Variants in TBC1D19 observed in about 807,000 individuals in gnomAD.
TBC1D19 encodes TBC1 domain family, member 19.
In TBC1D19, 60 loss-of-function variants were observed where a neutral mutation model predicts 89.0. The observed-to-expected ratio is 0.67, with a 90% CI of 0.55 to 0.84. TBC1D19 has a LOEUF of 0.84. Among genes scored for constraint, TBC1D19 ranks in the 40% least tolerant of loss-of-function variants. TBC1D19 has a pLI of 0.00. For synonymous variants in TBC1D19, 189 were observed against 199.7 expected (o/e 0.95, Z 0.45); for missense variants, 500 against 610.8 (o/e 0.82, Z 1.91).
chr4:26,694,280 C>G (rs906104742), intron 13 of TBC1D19, among the ~76,000 whole-genome samples: 6 of 152,188 alleles, frequency 3.9e-5, no homozygotes, highest in African/African-American at 7.2e-5. Context: ...GTCCTACGCC[C>G]ACAGAGCCTC....
At chr4:26,583,086 G>C (rs886474428), upstream of TBC1D19, among the ~76,000 whole-genome samples, 6 of 151,954 alleles carry the variant, frequency 3.9e-5, no homozygotes, top group Non-Finnish European at 8.8e-5. Context: ...CAGCAATCTT[G>C]GTTTGTTTTC....
At chr4:26,577,535 C>A (rs1738999547) in intron 1 of TBC1D19, among the ~76,000 whole-genome samples, 1 of 152,188 alleles carries the variant, frequency 6.6e-6, no homozygotes, top group African/African-American at 2.4e-5. Context: ...GTACTTGTTA[C>A]CTTCCAGGCA....
intron 7 of TBC1D19, among the ~76,000 whole-genome samples, chr4:26,648,695 T>C (rs1327580130): frequency 6.6e-6 from 1 of 152,190 alleles, no homozygotes; most frequent in African/African-American, 2.4e-5. Flanking sequence ...ACAGTTTACT[T>C]TGAATGTTGA....
intron 13 of TBC1D19, among the ~76,000 whole-genome samples, chr4:26,693,625 G>A (rs531653015): frequency 6.6e-6 from 1 of 151,924 alleles, no homozygotes. Context: ...TGCCCAGGAG[G>A]TCAAGGCTGC....
Position 26,673,795 on chromosome 4 carries a change from T to C in TBC1D19, c.723T>C (p.Ser241=). ...IGQKVLAEQD[S]AAAQQYIRQG... The stretch of plus-strand genomic sequence containing the variant: ...TGATAGTTCTAGCAGAACAAGATAG[T>C]GCTGCTGCTCAACAGTACATCAGAC... The change falls in exon 11 of 21, where the codon AGT becomes AGC. Residue 241 remains serine, a synonymous_variant. Coordinates refer to ENST00000264866, the MANE Select transcript of TBC1D19 (RefSeq NM_018317.4). 6.2e-7 allele frequency: 1 copy of C among 1,611,158 alleles called. No homozygotes were observed. The highest frequency in any genetic ancestry group is 8.5e-7 in the Non-Finnish European group (1 of 1,177,796).
rs200708343 is a variant in TBC1D19, at chr4:26,697,630, G to A, written c.954+9223G>A. On this transcript the variant is annotated intron_variant, in intron 13 of 20. Coordinates refer to ENST00000264866, the MANE Select transcript of TBC1D19 (RefSeq NM_018317.4). ...AATCCTCAATAAAATACTGCAAACC[G>A]AATCCAGCAGCACATCAAAAAGTTT... Among the ~76,000 whole-genome samples, 68 of 152,142 alleles carry A rather than the reference G, an allele frequency of 4.5e-4. No homozygotes were observed. In the East Asian group the frequency reaches 0.011, roughly 24 times the overall value.
At chr4:26,850,540 CAAAAAAA>C in the TBC1D19 span, among the ~76,000 whole-genome samples, 47,411 of 90,380 alleles carry the variant, frequency 0.52, 10,080 homozygotes, top group Middle Eastern at 0.72. Flanking sequence ...GACCCTGTCT[CAAAAAAA>C]AAAAAAAAAA....
chr4:26,691,772 CA>C (rs1233933968), intron 13 of TBC1D19, among the ~76,000 whole-genome samples: 1 of 152,082 alleles, frequency 6.6e-6, no homozygotes. Flanking sequence ...ACTGAACCTG[CA>C]ATATCTCCAA....
chr4:26,740,999 G>C (rs533146402), intron 17 of TBC1D19: 2 of 939,032 alleles, frequency 2.1e-6, no homozygotes, highest in African/African-American at 3.5e-5. Flanking sequence ...ACTTGATTTT[G>C]TTCTTATCTT....
intron 18 of TBC1D19, among the ~76,000 whole-genome samples, chr4:26,743,587 G>A (rs748259220): frequency 1.9e-4 from 29 of 152,016 alleles, no homozygotes; most frequent in Non-Finnish European, 3.2e-4. Context: ...GATGGAGATA[G>A]AGATAGGTAG....
chr4:26,762,025 A>G, the TBC1D19 span, among the ~76,000 whole-genome samples: 5 of 152,184 alleles, frequency 3.3e-5, no homozygotes, highest in South Asian at 2.1e-4. Flanking sequence ...AATCCCAGCT[A>G]CTTGGGAGGC....
At chr4:26,633,758 C>T (rs1365638662) in intron 4 of TBC1D19, among the ~76,000 whole-genome samples, 1 of 152,098 alleles carries the variant, frequency 6.6e-6, no homozygotes, top group African/African-American at 2.4e-5. Context: ...ATTAAAAACC[C>T]GTTCAGCCAG....
At chr4:26,604,091 T>C (rs1333841034) in intron 1 of TBC1D19, among the ~76,000 whole-genome samples, 1 of 152,096 alleles carries the variant, frequency 6.6e-6, no homozygotes, top group Non-Finnish European at 1.5e-5. Context: ...TTATTTTACT[T>C]AGCCTGATAT....
intron 14 of TBC1D19, among the ~76,000 whole-genome samples, chr4:26,718,837 G>T (rs907545928): frequency 1.3e-5 from 2 of 151,968 alleles, no homozygotes; most frequent in Admixed American, 6.6e-5. Flanking sequence ...TATCTACTGA[G>T]CTCACCTCTA....
At chr4:26,701,544 T>C (rs781339915) in intron 13 of TBC1D19, among the ~76,000 whole-genome samples, 2 of 152,184 alleles carry the variant, frequency 1.3e-5, no homozygotes, top group Non-Finnish European at 2.9e-5. Flanking sequence ...TTGTTTTCAT[T>C]GATGGGGTTA....
At chr4:26,848,316 T>G in the TBC1D19 span, among the ~76,000 whole-genome samples, 1 of 152,206 alleles carries the variant, frequency 6.6e-6, no homozygotes, top group Non-Finnish European at 1.5e-5. Flanking sequence ...CTGGCTCTCC[T>G]GGGTCTCCAG....
At chr4:26,684,406 T>C (rs1204122737) in intron 12 of TBC1D19, among the ~76,000 whole-genome samples, 1 of 152,226 alleles carries the variant, frequency 6.6e-6, no homozygotes, top group Non-Finnish European at 1.5e-5. Context: ...GATTGAATCC[T>C]GGATACTGCC....
At chr4:26,688,948 A>G (rs1271822179) in intron 13 of TBC1D19, among the ~76,000 whole-genome samples, 1 of 152,038 alleles carries the variant, frequency 6.6e-6, no homozygotes, top group Non-Finnish European at 1.5e-5. Context: ...CTTTTTTAAA[A>G]AGATATGTAC....
chr4:26,708,442 T>A (rs978619874), intron 13 of TBC1D19, among the ~76,000 whole-genome samples: 1 of 152,082 alleles, frequency 6.6e-6, no homozygotes, highest in Non-Finnish European at 1.5e-5. Flanking sequence ...TGTGTCCTAG[T>A]GTGGGACTCT....
Sources: allele counts gnomAD v4.1 joint callset (sites outside exome capture counted in the v4.1 genomes callset), GRCh38; gene constraint gnomAD v4.1.1; transcripts MANE v1.5; gene names NCBI Gene and HGNC (gene_info 2026-07-23, HGNC 2026-07-21).